MAX: variants seen among roughly 807,000 people sequenced by gnomAD.
MAX encodes the protein protein max.
Under a neutral mutation model 22.3 loss-of-function variants are expected in MAX, and 3 were observed. The observed-to-expected ratio is 0.13, with a 90% CI of 0.06 to 0.35. MAX has a LOEUF of 0.35. Among genes scored for constraint, MAX ranks in the 10% least tolerant of loss-of-function variants. The pLI is 1.00. For missense variants in MAX, 119 were observed against 209.4 expected (o/e 0.57, Z 2.66); for synonymous variants, 72 against 77.7 (o/e 0.93, Z 0.39).
In MAX at chr14:65,076,141, T is replaced by C. The variant is rs1267074010; in HGVS notation, c.*335A>G. ...TGCCCGGCAGGGCTGGAGGAGCTGG[T>C]AGGGTGGGCAGGACACTATGTGCTC... is the stretch of plus-strand genomic sequence containing the variant. On this transcript the variant is annotated 3_prime_UTR_variant, in exon 5 of 5. Transcript: ENST00000358664. The surrounding 1 kb of genome is among the most constrained non-coding windows in gnomAD (Gnocchi z 6.6). 1 of 1,310,470 alleles carries C rather than the reference T, an allele frequency of 7.6e-7. No homozygotes were observed. Among genetic ancestry groups the C allele is most frequent in the Admixed American group, 3.6e-5 (1 of 28,148 alleles). 81.2% of individuals were successfully genotyped at this position (1,310,470 alleles called of 1,614,324 possible).
rs2139734478 is a variant in MAX, at chr14:65,075,978, T to C, written c.*498A>G. ...AGAAAAAGGAAAAAAAAAAAACCCT[T>C]AAAAAGGAGGAGGGTTCATTCTGAT... is the stretch of plus-strand genomic sequence containing the variant. On this transcript the variant is annotated 3_prime_UTR_variant, in exon 5 of 5. Coordinates refer to ENST00000358664, the MANE Select transcript of MAX (RefSeq NM_002382.5). The surrounding 1 kb of genome is among the most constrained non-coding windows in gnomAD (Gnocchi z 4.1). 1 of 1,076,028 alleles carries C rather than the reference T, an allele frequency of 9.3e-7. No individual in the cohort carries two copies. Among genetic ancestry groups the C allele is most frequent in the South Asian group, 4.3e-5 (1 of 23,078 alleles). 66.7% of individuals were successfully genotyped at this position (1,076,028 alleles called of 1,614,324 possible).
chr14:65,079,533 C>G lies in MAX; in HGVS notation c.172-1497G>C, dbSNP rs897783209. Among the ~76,000 whole-genome samples, 1 of 152,186 alleles carries G rather than the reference C, an allele frequency of 6.6e-6. No homozygotes were observed. The highest frequency in any genetic ancestry group is 1.9e-4 in the East Asian group (1 of 5,198). On this transcript the variant is annotated intron_variant, in intron 3 of 4. Transcript: ENST00000358664. The surrounding 1 kb of genome is among the most constrained non-coding windows in gnomAD (Gnocchi z 4.5). ...ACTGGTAGAATAGTACAAAGCCAAG[C>G]GAAGCTCAAGGCGGGGTAGCCTAGT...
chr14:65,100,742 T>G lies in MAX; in HGVS notation c.63+804A>C, dbSNP rs1201402183. On this transcript the variant is annotated intron_variant, in intron 2 of 4. Coordinates refer to ENST00000358664, the MANE Select transcript of MAX (RefSeq NM_002382.5). The stretch of plus-strand genomic sequence containing the variant: ...ATTCTGATTTATTCTGTGTGTATTC[T>G]TTTTTCCCTCAAATCTATTCATGAA... 2.0e-5 allele frequency among the ~76,000 whole-genome samples: 3 copies of G among 152,224 alleles called. No individual in the cohort carries two copies. The East Asian group carries it at 5.8e-4, about 29-fold the overall frequency.
At chr14:65,046,836 G>A (rs530169247) in intron 3 of MAX, among the ~76,000 whole-genome samples, 6 of 127,826 alleles carry the variant, frequency 4.7e-5, no homozygotes, top group African/African-American at 1.9e-4. Context: ...AGGATGTGAA[G>A]TTACAGGTGA....
chr14:65,075,039 G>GACTT (rs2063024576), downstream of MAX: 1 of 1,008,218 alleles, frequency 9.9e-7, no homozygotes, highest in African/African-American at 1.7e-5. This position sits in a 1 kb window ranked among gnomAD's most constrained non-coding sequence, Gnocchi z 4.1. Context: ...TTCTCACTCA[G>GACTT]ACTTACATTG....
intron 3 of MAX, among the ~76,000 whole-genome samples, chr14:65,034,344 A>G (rs2062146123): frequency 6.6e-6 from 1 of 152,092 alleles, no homozygotes; most frequent in Non-Finnish European, 1.5e-5. Flanking sequence ...TCTTATTTTC[A>G]TGAAGTATTG....
Position 65,084,089 on chromosome 14 carries a change from T to C in MAX, c.172-6053A>G. On this transcript the variant is annotated intron_variant, in intron 3 of 4. Transcript: ENST00000358664. This position sits in a 1 kb window ranked among gnomAD's most constrained non-coding sequence, Gnocchi z 4.3. ...CCCAGCCACAGGACCATTTTGCTGA[T>C]TACCAGGGTAAGGCAGAGCTATCAG... 1 of 1,599,478 alleles carries C rather than the reference T, an allele frequency of 6.3e-7. No individual in the cohort carries two copies. The highest frequency in any genetic ancestry group is 2.3e-5 in the East Asian group (1 of 44,308).
chr14:65,028,533 C>T lies in MAX; in HGVS notation c.172-22249G>A, dbSNP rs1345234183. Among the ~76,000 whole-genome samples the T allele has an allele frequency of 6.6e-6, 1 of 152,156 alleles. No individual in the cohort carries two copies. The highest frequency in any genetic ancestry group is 1.5e-5 in the Non-Finnish European group (1 of 68,034). ...TGCCTATGTGTAAATGGGTTTGCTTCTACACAAGTTGATTAATAGTCTGGC... is the reference window on the plus strand; with the variant it reads ...TGCCTATGTGTAAATGGGTTTGCTTTTACACAAGTTGATTAATAGTCTGGC... On this transcript the variant is annotated intron_variant, in intron 3 of 3. Transcript: ENST00000341653. The surrounding 1 kb of genome is among the most constrained non-coding windows in gnomAD (Gnocchi z 4.4).
chr14:65,027,678 C>T lies in MAX; in HGVS notation c.172-21394G>A. ...CACGCACTGACTGTTGCCTCTCCTA[C>T]CTCTTTCCCTGTTTCTCAGAGAGAA... On this transcript the variant is annotated intron_variant, in intron 3 of 3. Transcript: ENST00000341653. This position sits in a 1 kb window ranked among gnomAD's most constrained non-coding sequence, Gnocchi z 5.7. 1 of 1,614,194 alleles carries T rather than the reference C, an allele frequency of 6.2e-7. No homozygotes were observed. Among genetic ancestry groups the T allele is most frequent in the South Asian group, 1.1e-5 (1 of 91,084 alleles).
chr14:65,013,711 C>A (rs1023764915), intron 3 of MAX, among the ~76,000 whole-genome samples: 1 of 152,082 alleles, frequency 6.6e-6, no homozygotes, highest in Non-Finnish European at 1.5e-5. Context: ...TCACGCCTGG[C>A]TAATTTTTGT....
In MAX at chr14:65,007,727, C is replaced by T. The variant is rs1310986158; in HGVS notation, c.172-1443G>A. On this transcript the variant is annotated intron_variant, in intron 3 of 3. Transcript: ENST00000341653. This position sits in a 1 kb window ranked among gnomAD's most constrained non-coding sequence, Gnocchi z 4.9. ...TTTTTCTTCCCTGTGGGTATTGTCA[C>T]GGTTTCACACCCTTTTGAATGTACC... Among the ~76,000 whole-genome samples the T allele has an allele frequency of 1.3e-5, 2 of 152,164 alleles. No individual in the cohort carries two copies. The highest frequency in any genetic ancestry group is 1.9e-4 in the East Asian group (1 of 5,200).
chr14:65,020,584 C>G (rs1441875901), intron 3 of MAX, among the ~76,000 whole-genome samples: 1 of 152,050 alleles, frequency 6.6e-6, no homozygotes, highest in African/African-American at 2.4e-5. Context: ...CAGGCGGGAG[C>G]CACCACACCC....
At chr14:65,067,596 ATGT>A (rs2062943178) in intron 3 of MAX, among the ~76,000 whole-genome samples, 1 of 150,110 alleles carries the variant, frequency 6.7e-6, no homozygotes, top group South Asian at 2.1e-4. Context: ...GATTTGTTTG[ATGT>A]TATCCTTATG....
intron 3 of MAX, among the ~76,000 whole-genome samples, chr14:65,037,425 T>C (rs1337075659): frequency 1.4e-4 from 17 of 118,202 alleles, no homozygotes; most frequent in Admixed American, 9.7e-4. Flanking sequence ...TTTTTTTTTT[T>C]TTTTTTTTTT....
intron 3 of MAX, among the ~76,000 whole-genome samples, chr14:65,018,569 G>A (rs1260197227): frequency 6.6e-6 from 1 of 152,072 alleles, no homozygotes; most frequent in African/African-American, 2.4e-5. Context: ...CAGGGCTTGG[G>A]GAGGCCAAGG....
At position 65,077,600 on chromosome 14, in the gene MAX, C is replaced by T. The variant is rs2063093764; in HGVS notation, c.295+313G>A. ...ACTCCAAGGACCTCAAAGCTCTTTT[C>T]AGACACCTGATGCCAGGTGTGATCC... On this transcript the variant is annotated intron_variant, in intron 4 of 4. Transcript: ENST00000358664. This position sits in a 1 kb window ranked among gnomAD's most constrained non-coding sequence, Gnocchi z 6.3. 2 of 1,027,832 alleles carry T rather than the reference C, an allele frequency of 1.9e-6. No homozygotes were observed. Among genetic ancestry groups the T allele is most frequent in the South Asian group, 1.3e-5 (1 of 74,080 alleles). 63.7% of individuals were successfully genotyped at this position (1,027,832 alleles called of 1,614,324 possible).
chr14:65,085,959 G>A (rs2063323649), intron 3 of MAX, among the ~76,000 whole-genome samples: 1 of 152,208 alleles, frequency 6.6e-6, no homozygotes, highest in Non-Finnish European at 1.5e-5. Flanking sequence ...ATTCCCATGT[G>A]TCGGGGGAGG....
chr14:65,006,944 G>GA (rs1013524964), intron 3 of MAX, among the ~76,000 whole-genome samples: 8 of 150,770 alleles, frequency 5.3e-5, no homozygotes, highest in Non-Finnish European at 1.2e-4. Context: ...GTATGGGTGG[G>GA]AAAAAAAAAG....
chr14:65,101,644 A>G (rs1260832493), intron 1 of MAX, 72 bp from the exon 2 acceptor site: 4 of 1,203,546 alleles, frequency 3.3e-6, no homozygotes, highest in Non-Finnish European at 4.8e-6. Context: ...AATAATAAGA[A>G]AGAAAATGCC....
Sources: gnomAD v4.1 joint callset for allele counts (sites outside exome capture counted in the v4.1 genomes callset) on GRCh38, gnomAD v4.1.1 for gene constraint, Gnocchi (gnomAD v3.1) non-coding constraint, MANE v1.5 for transcripts, NCBI Gene and HGNC (gene_info 2026-07-23, HGNC 2026-07-21) for gene names.